The following LRPPRC variants were observed in gnomAD, a reference collection of about 807,000 sequenced individuals.
The protein encoded by LRPPRC is leucine rich pentatricopeptide repeat containing, also known as leucine-rich PPR motif-containing protein, mitochondrial.
LRPPRC carries 120 observed loss-of-function variants against 180.3 expected under a neutral mutation model. The observed-to-expected ratio is 0.67, with a 90% CI of 0.57 to 0.77. The LOEUF (loss-of-function observed/expected upper bound fraction) is 0.77, where lower values mean the gene tolerates loss of function less well. Among genes scored for constraint, LRPPRC ranks in the 30% least tolerant of loss-of-function variants. The pLI is 0.00. For synonymous variants in LRPPRC, 723 were observed against 600.0 expected, an observed-to-expected ratio of 1.21 and a Z score of -3.00; for missense variants, 2,012 against 1,657.2, an observed-to-expected ratio of 1.21 and a Z score of -3.72.
intron 13 of LRPPRC, among the ~76,000 whole-genome samples, chr2:43,960,080 T>A (rs1673277522): frequency 6.6e-6 from 1 of 152,218 alleles, no homozygotes; most frequent in African/African-American, 2.4e-5. Flanking sequence ...TGTTTAAAAA[T>A]GTTTAGTAAA....
intron 19 of LRPPRC, 93 bp downstream of exon 19, chr2:43,947,638 G>A (rs1018452617): frequency 7.2e-6 from 6 of 828,072 alleles, no homozygotes; most frequent in Admixed American, 3.7e-5. Flanking sequence ...TGATAAAAAT[G>A]TGAGGAATCA....
chr2:43,962,835 A>G (rs1673405342), intron 12 of LRPPRC, among the ~76,000 whole-genome samples: 1 of 152,228 alleles, frequency 6.6e-6, no homozygotes, highest in South Asian at 2.1e-4. Flanking sequence ...AGCAGGGCAC[A>G]GTGACATGTG....
intron 11 of LRPPRC, among the ~76,000 whole-genome samples, chr2:43,971,242 C>A (rs1559035590): frequency 6.6e-6 from 1 of 151,794 alleles, no homozygotes; most frequent in Non-Finnish European, 1.5e-5. Flanking sequence ...GGATATAGAT[C>A]CATATTCATT....
intron 11 of LRPPRC, among the ~76,000 whole-genome samples, chr2:43,969,735 G>C (rs7562003): frequency 0.6 from 91,635 of 152,004 alleles, 28,857 homozygotes; most frequent in Middle Eastern, 0.69. Context: ...ACTTTGTCAC[G>C]CAGGCTAGAC....
chr2:43,925,767 A>T (rs1290952021), intron 26 of LRPPRC, 126 bp downstream of exon 26: 1 of 749,646 alleles, frequency 1.3e-6, no homozygotes, highest in East Asian at 2.5e-5. Flanking sequence ...CTGGCAAATG[A>T]TCGAGATAAA....
At chr2:43,933,464 T>A (rs1264133930) in intron 25 of LRPPRC, among the ~76,000 whole-genome samples, 1 of 152,214 alleles carries the variant, frequency 6.6e-6, no homozygotes, top group African/African-American at 2.4e-5. Flanking sequence ...ACAGTTTTAA[T>A]CACATGAAAT....
intron 1 of LRPPRC, among the ~76,000 whole-genome samples, chr2:43,983,930 TA>T (rs1559059592): frequency 6.6e-6 from 1 of 152,062 alleles, no homozygotes; most frequent in East Asian, 1.9e-4. Flanking sequence ...CATCTAGGTA[TA>T]AAATAATGGA....
intron 34 of LRPPRC, among the ~76,000 whole-genome samples, chr2:43,898,506 C>G (rs1025565527): frequency 6.6e-6 from 1 of 152,202 alleles, no homozygotes; most frequent in African/African-American, 2.4e-5. Context: ...GGCTCCCCGG[C>G]GGTGCCTGTT....
intron 3 of LRPPRC, 112 bp downstream of exon 3, chr2:43,979,714 A>T (rs1352197172): frequency 2.3e-6 from 2 of 860,412 alleles, no homozygotes; most frequent in African/African-American, 1.7e-5. Context: ...ATTATGAATC[A>T]AGTAGCCCTT....
chr2:43,926,251 T>C (rs1671873960), intron 25 of LRPPRC, among the ~76,000 whole-genome samples: 1 of 152,188 alleles, frequency 6.6e-6, no homozygotes, highest in Non-Finnish European at 1.5e-5. Flanking sequence ...AATTTCCAAA[T>C]GCTGCACTGC....
At chr2:43,959,027 T>C (rs778612982) in intron 13 of LRPPRC, 32 of 511,750 alleles carry the variant, frequency 6.3e-5, no homozygotes, top group Admixed American at 3.5e-4. Flanking sequence ...ACCAGAAACA[T>C]CTCAGCTATG....
At chr2:43,954,001 C>T (rs1449908434) in intron 14 of LRPPRC, among the ~76,000 whole-genome samples, 2 of 152,206 alleles carry the variant, frequency 1.3e-5, no homozygotes, top group Admixed American at 1.3e-4. Context: ...GAGACCTCAT[C>T]TCCATTTTGA....
At chr2:43,909,307 C>T (rs1363279152) in intron 30 of LRPPRC, among the ~76,000 whole-genome samples, 1 of 152,076 alleles carries the variant, frequency 6.6e-6, no homozygotes, top group Non-Finnish European at 1.5e-5. Context: ...ATCTTGGGTT[C>T]TCTTGGGTAG....
chr2:43,899,704 ACTTTAGG>A lies in LRPPRC; in HGVS notation c.3570-106_3570-100del. 4 of 750,216 alleles carry A rather than the reference ACTTTAGG, an allele frequency of 5.3e-6. No homozygotes were observed. In the Admixed American group the frequency reaches 7.0e-5, roughly 13 times the overall value. The allele number at this position is 750,216 out of a possible 1,614,324, so 46.5% of individuals were successfully genotyped here. ...TACTTTTATATCCACTCATGCTAAT[ACTTTAGG>A]AAAAAAATGAAATACATTTACACTT... is the stretch of plus-strand genomic sequence containing the variant. On this transcript the variant is annotated intron_variant, in intron 32 of 37. Transcript: ENST00000260665.
Position 43,891,294 on chromosome 2 carries a change from A to T in LRPPRC, c.3986-1418T>A, listed in dbSNP as rs963364029. Among the ~76,000 whole-genome samples, 3 of 152,198 alleles carry T rather than the reference A, an allele frequency of 2.0e-5. No individual in the cohort carries two copies. In the South Asian group the frequency reaches 6.2e-4, roughly 31 times the overall value. On this transcript the variant is annotated intron_variant, in intron 36 of 37. Transcript: ENST00000260665. ...CCTAATTTAGTAGTAACACACACAG[A>T]TTTATGCGCTTGACACTATTTCACA...
chr2:43,924,442 T>A (rs959381928), intron 27 of LRPPRC, among the ~76,000 whole-genome samples: 2 of 152,128 alleles, frequency 1.3e-5, no homozygotes, highest in Admixed American at 6.5e-5. Context: ...GGCACAAAAA[T>A]GAATAACGTA....
At chr2:43,987,835 A>C (rs1379471144) in intron 1 of LRPPRC, among the ~76,000 whole-genome samples, 1 of 152,172 alleles carries the variant, frequency 6.6e-6, no homozygotes, top group African/African-American at 2.4e-5. Flanking sequence ...TTAATTCAAA[A>C]TATATTTACT....
chr2:43,894,335 A>G (rs1670604822), intron 36 of LRPPRC, among the ~76,000 whole-genome samples: 2 of 152,232 alleles, frequency 1.3e-5, no homozygotes, highest in African/African-American at 4.8e-5. Context: ...TGTTAAAGTT[A>G]TATGCATAAT....
At position 43,889,938 on chromosome 2, in the gene LRPPRC, C is replaced by CA. The variant is rs898568092; in HGVS notation, c.3986-63dup. On this transcript the variant is annotated intron_variant, in intron 36 of 37. Coordinates refer to ENST00000260665, the MANE Select transcript of LRPPRC (RefSeq NM_133259.4). ...AGACAACCTATCTTACTCTTTTCAC[C>CA]AAAACAGCCACTCAGGGACGGCTGG... 120 of 1,240,942 alleles carry CA rather than the reference C, an allele frequency of 9.7e-5. No individual in the cohort carries two copies. In the African/African-American group the frequency reaches 1.7e-3, roughly 18 times the overall value. The allele number at this position is 1,240,942 out of a possible 1,614,324, so 76.9% of individuals were successfully genotyped here. A position where few individuals can be genotyped will look rare whatever the true frequency, so the allele number is the denominator to read the frequency against.
Sources: allele counts gnomAD v4.1 joint callset (sites outside exome capture counted in the v4.1 genomes callset), GRCh38; gene constraint gnomAD v4.1.1; transcripts MANE v1.5; gene names NCBI Gene and HGNC (gene_info 2026-07-23, HGNC 2026-07-21).